CACNA2D1: variants seen among roughly 807,000 people sequenced by gnomAD.
The protein encoded by CACNA2D1 is calcium voltage-gated channel auxiliary subunit alpha2delta 1.
In CACNA2D1, 53 loss-of-function variants were observed where a neutral mutation model predicts 171.5. The ratio of observed to expected loss-of-function variants is 0.31; its 90% CI spans 0.25 to 0.39. The LOEUF (loss-of-function observed/expected upper bound fraction) is 0.39. Among genes scored for constraint, CACNA2D1 ranks in the 10% least tolerant of loss-of-function variants. The pLI, the probability that CACNA2D1 is intolerant of heterozygous loss-of-function variation, is 1.00. For synonymous variants in CACNA2D1, 442 were observed against 443.1 expected, an observed-to-expected ratio of 1.00 and a Z score of 0.03; for missense variants, 903 against 1,299.8, an observed-to-expected ratio of 0.69 and a Z score of 4.69.
At chr7:81,974,421 C>G in intron 25 of CACNA2D1, 34 bp downstream of exon 25, 1 of 1,035,832 alleles carries the variant, frequency 9.7e-7, no homozygotes, top group South Asian at 1.3e-5. Flanking sequence ...TAGAACCACA[C>G]TCAAGCAATC....
chr7:82,221,311 A>G (rs185764988), intron 3 of CACNA2D1, among the ~76,000 whole-genome samples: 172 of 152,314 alleles, frequency 1.1e-3, no homozygotes, highest in Non-Finnish European at 2.1e-3. Context: ...TAATAGAGAA[A>G]AATTTTTAAA....
Position 82,143,568 on chromosome 7 carries a change from C to T in CACNA2D1, c.355-6892G>A, listed in dbSNP as rs575984658. Among the ~76,000 whole-genome samples, 31 of 152,198 alleles carry T rather than the reference C, an allele frequency of 2.0e-4. No homozygotes were observed. The South Asian group carries it at 6.0e-3, about 30-fold the overall frequency. On this transcript the variant is annotated intron_variant, in intron 4 of 38. Transcript: ENST00000356860. The stretch of plus-strand genomic sequence containing the variant: ...AATAAAATTACTAGTTGTTGTCATG[C>T]TTTTTAATCTGATAAACCAAATGAG...
At position 82,099,606 on chromosome 7, in the gene CACNA2D1, C is replaced by T. The variant is rs1459078474; in HGVS notation, c.527-14706G>A. Among the ~76,000 whole-genome samples, 8 of 109,764 alleles carry T rather than the reference C, an allele frequency of 7.3e-5. 3 individuals are homozygous for T. Among genetic ancestry groups the T allele is most frequent in the Non-Finnish European group, 1.6e-4 (8 of 49,658 alleles). The allele number at this position is 109,764 out of a possible 152,430, so 72.0% of individuals were successfully genotyped here. On this transcript the variant is annotated intron_variant, in intron 6 of 38. Coordinates refer to ENST00000356860, the MANE Select transcript of CACNA2D1 (RefSeq NM_000722.4). ...CTGGGACTACAGGCGCCCGCCACTA[C>T]GCCCGGCTAATTTTTTGTATTTTTA...
chr7:82,070,420 C>A (rs1808187259), intron 7 of CACNA2D1, among the ~76,000 whole-genome samples: 1 of 152,152 alleles, frequency 6.6e-6, no homozygotes, highest in Non-Finnish European at 1.5e-5. Context: ...TAGTAAAGTA[C>A]TTCTAACTCA....
chr7:82,375,156 A>G (rs983492996), intron 1 of CACNA2D1, among the ~76,000 whole-genome samples: 18 of 152,204 alleles, frequency 1.2e-4, no homozygotes, highest in South Asian at 2.1e-4. Context: ...CAGAAACACA[A>G]CTTTCAAACA....
chr7:82,142,564 A>AT (rs1234507324), intron 4 of CACNA2D1, among the ~76,000 whole-genome samples: 1 of 152,162 alleles, frequency 6.6e-6, no homozygotes, highest in East Asian at 1.9e-4. Context: ...GAAAATTAAG[A>AT]TTTTATAGTC....
chr7:82,076,742 C>T lies in CACNA2D1; in HGVS notation c.658+8027G>A, dbSNP rs184539424. ...TGGTACTTTGCCTACACATTAAATCCCAAACCATTCTGACATTCAAGGCGA... is the reference window on the plus strand; with the variant it reads ...TGGTACTTTGCCTACACATTAAATCTCAAACCATTCTGACATTCAAGGCGA... On this transcript the variant is annotated intron_variant, in intron 7 of 38. Coordinates refer to ENST00000356860, the MANE Select transcript of CACNA2D1 (RefSeq NM_000722.4). Among the ~76,000 whole-genome samples the T allele has an allele frequency of 2.6e-3, 391 of 152,158 alleles. 3 individuals are homozygous for T. The highest frequency in any genetic ancestry group is 8.7e-3 in the African/African-American group (361 of 41,518).
chr7:82,229,582 C>T (rs997223225), intron 3 of CACNA2D1, among the ~76,000 whole-genome samples: 80 of 152,040 alleles, frequency 5.3e-4, no homozygotes, highest in Non-Finnish European at 4.7e-4. Context: ...CCTAGTTCAC[C>T]TCCTAGGTGA....
intron 18 of CACNA2D1, among the ~76,000 whole-genome samples, chr7:82,002,972 T>C (rs1218166211): frequency 6.6e-6 from 1 of 152,136 alleles, no homozygotes; most frequent in African/African-American, 2.4e-5. Flanking sequence ...TTTTCTTCAC[T>C]TGTATTAATG....
At chr7:82,377,151 C>G (rs1209407435) in intron 1 of CACNA2D1, among the ~76,000 whole-genome samples, 2 of 152,126 alleles carry the variant, frequency 1.3e-5, no homozygotes, top group Non-Finnish European at 2.9e-5. Flanking sequence ...TGCCAGGTTC[C>G]ATTCCTAATA....
chr7:82,025,665 T>C (rs1484692582), intron 12 of CACNA2D1, among the ~76,000 whole-genome samples: 1 of 151,770 alleles, frequency 6.6e-6, no homozygotes, highest in Non-Finnish European at 1.5e-5. Flanking sequence ...AGACTGGGTA[T>C]GATTTCAATC....
chr7:82,220,919 T>TGCTACTCTGG (rs1801685086), intron 3 of CACNA2D1, among the ~76,000 whole-genome samples: 1 of 151,882 alleles, frequency 6.6e-6, no homozygotes, highest in Non-Finnish European at 1.5e-5. Flanking sequence ...GCTGGGACTA[T>TGCTACTCTGG]AGGCGCGTGC....
At chr7:82,344,036 A>C (rs1170281963) in intron 2 of CACNA2D1, among the ~76,000 whole-genome samples, 1 of 152,188 alleles carries the variant, frequency 6.6e-6, no homozygotes, top group African/African-American at 2.4e-5. Flanking sequence ...TCATACACTC[A>C]GATTCTTCAG....
intron 3 of CACNA2D1, among the ~76,000 whole-genome samples, chr7:82,185,491 G>A (rs866041935): frequency 0.048 from 827 of 17,256 alleles, 44 homozygotes; most frequent in Middle Eastern, 0.12. Context: ...GGGAGGAGGA[G>A]GGGGAGGGGA....
chr7:82,198,756 A>G (rs1186149872), intron 3 of CACNA2D1, among the ~76,000 whole-genome samples: 1 of 151,852 alleles, frequency 6.6e-6, no homozygotes, highest in African/African-American at 2.4e-5. Flanking sequence ...ACCTAATAAA[A>G]CCTTAATCCT....
In CACNA2D1 at chr7:81,948,098, T is replaced by G. The variant is rs1294864846; in HGVS notation, c.*2294A>C. The G allele has an allele frequency of 6.6e-6, 1 of 151,852 alleles. No homozygotes were observed. Among genetic ancestry groups the G allele is most frequent in the Non-Finnish European group, 1.5e-5 (1 of 67,802 alleles). 9.4% of individuals were successfully genotyped at this position (151,852 alleles called of 1,614,324 possible). On this transcript the variant is annotated 3_prime_UTR_variant, in exon 39 of 39. Coordinates refer to ENST00000356860, the MANE Select transcript of CACNA2D1 (RefSeq NM_000722.4). ...ATATTTAATAGATTTTGAACATAAT[T>G]TTAAGGTAGTTTGTTGTATGCTGGA...
intron 1 of CACNA2D1, among the ~76,000 whole-genome samples, chr7:82,407,636 A>AT (rs150357365): frequency 0.039 from 5,872 of 152,180 alleles, 206 homozygotes; most frequent in East Asian, 0.12. Context: ...AAAAATTATT[A>AT]TTTTTAGACA....
At chr7:82,369,987 T>C (rs1045113320) in intron 1 of CACNA2D1, among the ~76,000 whole-genome samples, 1 of 152,070 alleles carries the variant, frequency 6.6e-6, no homozygotes, top group Non-Finnish European at 1.5e-5. Flanking sequence ...TCCCCCAAAA[T>C]CTTTTTATTA....
At chr7:82,218,269 G>A (rs1033692980) in intron 3 of CACNA2D1, among the ~76,000 whole-genome samples, 11 of 151,984 alleles carry the variant, frequency 7.2e-5, no homozygotes, top group South Asian at 2.1e-4. Context: ...TCAGGAAAAC[G>A]CTTTCAGGCA....
Sources: allele counts gnomAD v4.1 joint callset (sites outside exome capture counted in the v4.1 genomes callset), GRCh38; gene constraint gnomAD v4.1.1; transcripts MANE v1.5; gene names NCBI Gene and HGNC (gene_info 2026-07-23, HGNC 2026-07-21).